The following KCND2 variants were observed in gnomAD, a reference collection of about 807,000 sequenced individuals.
KCND2 encodes potassium voltage-gated channel subfamily D member 2.
In KCND2, 16 loss-of-function variants were observed where a neutral mutation model predicts 54.4. The ratio of observed to expected loss-of-function variants is 0.29; its 90% CI spans 0.20 to 0.45. The LOEUF is 0.45. Ranked by LOEUF, KCND2 falls within the 20% of genes least tolerant of loss-of-function variation. KCND2 has a pLI of 1.00. For missense variants in KCND2, 486 were observed against 824.2 expected (o/e 0.59, Z 5.02); for synonymous variants, 317 against 310.7 (o/e 1.02, Z -0.21).
chr7:120,730,298 G>C (rs1792789186), intron 1 of KCND2, among the ~76,000 whole-genome samples: 1 of 152,054 alleles, frequency 6.6e-6, no homozygotes. Context: ...TCAGTGTGAA[G>C]GGGAAAAACA....
At chr7:120,610,675 T>C (rs754002467) in intron 1 of KCND2, among the ~76,000 whole-genome samples, 11 of 152,114 alleles carry the variant, frequency 7.2e-5, no homozygotes, top group East Asian at 1.9e-4. Context: ...GAGATAGATA[T>C]ACTGTGCAAT....
intron 1 of KCND2, among the ~76,000 whole-genome samples, chr7:120,294,886 G>T (rs1799486614): frequency 6.6e-6 from 1 of 151,516 alleles, no homozygotes; most frequent in African/African-American, 2.4e-5. Context: ...GTGTATGCCA[G>T]TAAAATATGT....
At chr7:120,642,331 C>T (rs1447420843) in intron 1 of KCND2, among the ~76,000 whole-genome samples, 1 of 150,748 alleles carries the variant, frequency 6.6e-6, no homozygotes, top group Non-Finnish European at 1.5e-5. Flanking sequence ...GGGTGGATCA[C>T]CTGAGGTCAG....
intron 2 of KCND2, among the ~76,000 whole-genome samples, chr7:120,740,109 T>C (rs973507780): frequency 2.0e-5 from 3 of 152,052 alleles, no homozygotes; most frequent in Admixed American, 6.6e-5. Flanking sequence ...CAGAGTATTC[T>C]CTGGAGTAAA....
At chr7:120,420,907 G>A (rs951747786) in intron 1 of KCND2, among the ~76,000 whole-genome samples, 1 of 152,008 alleles carries the variant, frequency 6.6e-6, no homozygotes, top group Non-Finnish European at 1.5e-5. Context: ...ATGTGACATC[G>A]GCAGAGACTT....
intron 1 of KCND2, among the ~76,000 whole-genome samples, chr7:120,537,289 T>A (rs1005218015): frequency 6.6e-6 from 1 of 152,154 alleles, no homozygotes; most frequent in Non-Finnish European, 1.5e-5. Flanking sequence ...GAGCAATTTG[T>A]CTCAATATTG....
intron 1 of KCND2, among the ~76,000 whole-genome samples, chr7:120,519,640 C>G (rs1309664952): frequency 6.6e-6 from 1 of 152,176 alleles, no homozygotes; most frequent in African/African-American, 2.4e-5. Flanking sequence ...TTTTAAGCCA[C>G]TGACTTTGTG....
intron 1 of KCND2, among the ~76,000 whole-genome samples, chr7:120,511,024 T>TCTCTCACA (rs36008574): frequency 3.4e-5 from 5 of 144,994 alleles, no homozygotes; most frequent in African/African-American, 1.0e-4. Context: ...TCTCTCTCTC[T>TCTCTCACA]CACACACACA....
At chr7:120,481,987 C>T (rs900262030) in intron 1 of KCND2, among the ~76,000 whole-genome samples, 3 of 152,170 alleles carry the variant, frequency 2.0e-5, no homozygotes, top group Admixed American at 6.6e-5. Context: ...GAACACAGAG[C>T]TATGAGGTCA....
At chr7:120,304,808 G>A (rs1053351891) in intron 1 of KCND2, among the ~76,000 whole-genome samples, 8 of 151,988 alleles carry the variant, frequency 5.3e-5, no homozygotes, top group East Asian at 1.9e-4. Context: ...TAGAGAAGTC[G>A]CCTAATTTGA....
chr7:120,306,086 C>G (rs1799648689), intron 1 of KCND2, among the ~76,000 whole-genome samples: 1 of 152,094 alleles, frequency 6.6e-6, no homozygotes, highest in Non-Finnish European at 1.5e-5. Context: ...GTAGCTGTGA[C>G]TGTTTCCTGC....
intron 1 of KCND2, among the ~76,000 whole-genome samples, chr7:120,376,382 T>C (rs945027504): frequency 6.6e-6 from 1 of 151,508 alleles, no homozygotes; most frequent in Non-Finnish European, 1.5e-5. Context: ...TTGAATTAGG[T>C]GAATAAATTA....
intron 1 of KCND2, among the ~76,000 whole-genome samples, chr7:120,350,762 T>C (rs1800388449): frequency 6.6e-6 from 1 of 152,170 alleles, no homozygotes; most frequent in Admixed American, 6.5e-5. Context: ...GTTCCCATGA[T>C]AGCCTATAAC....
At chr7:120,416,696 A>G (rs1801529374) in intron 1 of KCND2, among the ~76,000 whole-genome samples, 1 of 151,848 alleles carries the variant, frequency 6.6e-6, no homozygotes, top group Non-Finnish European at 1.5e-5. Flanking sequence ...CCTCATTTCA[A>G]CTGACTGAAT....
At chr7:120,474,814 A>G (rs1044539844) in intron 1 of KCND2, among the ~76,000 whole-genome samples, 1 of 152,082 alleles carries the variant, frequency 6.6e-6, no homozygotes, top group Admixed American at 6.5e-5. Context: ...GTTTCTCTAT[A>G]TATTGTCACT....
chr7:120,299,024 G>T (rs1799549736), intron 1 of KCND2, among the ~76,000 whole-genome samples: 1 of 152,154 alleles, frequency 6.6e-6, no homozygotes. Flanking sequence ...GCAGGGGGCA[G>T]TGGCAGATGC....
At chr7:120,624,209 C>T (rs188665588) in intron 1 of KCND2, among the ~76,000 whole-genome samples, 6 of 152,222 alleles carry the variant, frequency 3.9e-5, no homozygotes, top group South Asian at 4.1e-4. Flanking sequence ...CACATCCCTC[C>T]GTTTGTTATG....
At chr7:120,287,211 G>A (rs1167987627) in intron 1 of KCND2, among the ~76,000 whole-genome samples, 3 of 151,946 alleles carry the variant, frequency 2.0e-5, no homozygotes, top group South Asian at 4.1e-4. Flanking sequence ...AAAGCAAAGT[G>A]ATAATATGTA....
At chr7:120,644,946 G>GT (rs1013794348) in intron 1 of KCND2, among the ~76,000 whole-genome samples, 12 of 151,444 alleles carry the variant, frequency 7.9e-5, no homozygotes, top group South Asian at 2.1e-4. Flanking sequence ...TGTTGATGGA[G>GT]TTTTTTTTTC....
Sources: allele counts gnomAD v4.1 joint callset (sites outside exome capture counted in the v4.1 genomes callset), GRCh38; gene constraint gnomAD v4.1.1; transcripts MANE v1.5; gene names NCBI Gene and HGNC (gene_info 2026-07-23, HGNC 2026-07-21).